Variants in ANKRD55 observed in about 807,000 individuals in gnomAD.
ANKRD55 encodes ankyrin repeat domain 55.
Under a neutral mutation model 60.6 loss-of-function variants are expected in ANKRD55, and 41 were observed. That is an observed-to-expected ratio of 0.68 (90% CI 0.53 to 0.88). The LOEUF (loss-of-function observed/expected upper bound fraction) is 0.88. ANKRD55 is among the 40% of genes least tolerant of loss of function. The probability of loss-of-function intolerance (pLI) is 0.00; values close to 1 mark genes in which losing one functional copy is unlikely to be tolerated. For missense variants in ANKRD55, 732 were observed against 767.6 expected (o/e 0.95, Z 0.55); for synonymous variants, 264 against 290.3 (o/e 0.91, Z 0.92).
chr5:56,184,041 G>A (rs1348682248), intron 2 of ANKRD55, among the ~76,000 whole-genome samples: 2 of 152,162 alleles, frequency 1.3e-5, no homozygotes, highest in South Asian at 2.1e-4. Context: ...GAGACATTGT[G>A]CTCTCCATTC....
intron 2 of ANKRD55, among the ~76,000 whole-genome samples, chr5:56,213,971 A>G (rs1268691557): frequency 6.6e-6 from 1 of 152,246 alleles, no homozygotes; most frequent in Non-Finnish European, 1.5e-5. Flanking sequence ...ACTCATCCAC[A>G]TGGCTAGGGA....
rs984658410 is a variant in ANKRD55, at chr5:56,150,516, G to A, written c.484-6587C>T. ...CTACTTGGGAGGCTGAGGTGGGAGA[G>A]TCACTTGAGCCTGGGAGGCAGAGGT... is the stretch of plus-strand genomic sequence containing the variant. On this transcript the variant is annotated intron_variant, in intron 6 of 11. Coordinates refer to ENST00000341048, the MANE Select transcript of ANKRD55 (RefSeq NM_024669.3). Among the ~76,000 whole-genome samples the A allele has an allele frequency of 3.4e-4, 52 of 151,794 alleles. 1 individual carries two copies. Among genetic ancestry groups the A allele is most frequent in the African/African-American group, 1.3e-3 (52 of 41,266 alleles).
At position 56,152,542 on chromosome 5, in the gene ANKRD55, A is replaced by G. The variant is rs935911898; in HGVS notation, c.483+7291T>C. 3.9e-5 allele frequency among the ~76,000 whole-genome samples: 6 copies of G among 152,336 alleles called. No homozygotes were observed. The South Asian group carries it at 1.2e-3, about 32-fold the overall frequency. Reference sequence around the variant, plus strand: ...CTCTTGATAGAACACTCTTCCTGTCAAGGCTAAAATGAGAGCAGGAGAGGT... The same window carrying G: ...CTCTTGATAGAACACTCTTCCTGTCGAGGCTAAAATGAGAGCAGGAGAGGT... On this transcript the variant is annotated intron_variant, in intron 6 of 11. Transcript: ENST00000341048.
intron 8 of ANKRD55, among the ~76,000 whole-genome samples, chr5:56,120,768 A>G (rs1033302874): frequency 2.0e-5 from 3 of 152,080 alleles, no homozygotes; most frequent in East Asian, 3.9e-4. Context: ...GCGTAGTGGC[A>G]CATGCCTGTA....
In ANKRD55 at chr5:56,215,528, C is replaced by G. The variant is rs541813028; in HGVS notation, c.58+17328G>C. Among the ~76,000 whole-genome samples the G allele has an allele frequency of 4.7e-4, 71 of 152,332 alleles. No homozygotes were observed. In the South Asian group the frequency reaches 5.6e-3, roughly 12 times the overall value. ...AGCAAATCACAGAGGGAGTCGGGCA[C>G]TCTGCTGAGGACTCTAGCCACCATC... On this transcript the variant is annotated intron_variant, in intron 2 of 11. Transcript: ENST00000341048.
At chr5:56,113,432 G>A (rs1756795689) in intron 9 of ANKRD55, among the ~76,000 whole-genome samples, 1 of 152,108 alleles carries the variant, frequency 6.6e-6, no homozygotes, top group Non-Finnish European at 1.5e-5. Flanking sequence ...ATTAACTTGA[G>A]TACACTTGTT....
chr5:56,127,395 ATG>A (rs1757299447), intron 7 of ANKRD55: 1 of 552,636 alleles, frequency 1.8e-6, no homozygotes, highest in African/African-American at 2.4e-5. Flanking sequence ...TACAGGTGCA[ATG>A]GACTGACGTC....
chr5:56,148,150 A>C (rs1387863820), intron 6 of ANKRD55, among the ~76,000 whole-genome samples: 6 of 152,254 alleles, frequency 3.9e-5, no homozygotes, highest in Non-Finnish European at 8.8e-5. Flanking sequence ...AGCTTATCAA[A>C]GATCACTTGG....
chr5:56,161,144 ATT>A (rs75300974), intron 5 of ANKRD55, among the ~76,000 whole-genome samples: 2 of 145,918 alleles, frequency 1.4e-5, no homozygotes, highest in African/African-American at 2.5e-5. Flanking sequence ...GCCTGGAGAG[ATT>A]TTTTTTTTTT....
chr5:56,217,663 G>A (rs1394711191), intron 2 of ANKRD55, among the ~76,000 whole-genome samples: 2 of 152,178 alleles, frequency 1.3e-5, no homozygotes, highest in Non-Finnish European at 2.9e-5. Flanking sequence ...GGGAGGCCAA[G>A]GCGGGTGTAT....
intron 2 of ANKRD55, among the ~76,000 whole-genome samples, chr5:56,214,417 A>T (rs569899263): frequency 8.5e-5 from 13 of 152,372 alleles, no homozygotes; most frequent in South Asian, 8.3e-4. Flanking sequence ...GCATTACTTC[A>T]TTAAATCTTT....
At position 56,199,029 on chromosome 5, in the gene ANKRD55, G is replaced by A. The variant is rs188061405; in HGVS notation, c.59-15395C>T. Among the ~76,000 whole-genome samples, 27 of 152,158 alleles carry A rather than the reference G, an allele frequency of 1.8e-4. No individual in the cohort carries two copies. In the East Asian group the frequency reaches 4.4e-3, roughly 25 times the overall value. ...CGGGTGGCAGAGCTTGCAGTGAGCC[G>A]AGATCGCGCCACTGCACTCCAGCCT... is the stretch of plus-strand genomic sequence containing the variant. On this transcript the variant is annotated intron_variant, in intron 2 of 11. Transcript: ENST00000341048.
intron 7 of ANKRD55, among the ~76,000 whole-genome samples, chr5:56,131,927 C>CTTTTAT (rs1469043427): frequency 7.0e-6 from 1 of 143,804 alleles, no homozygotes; most frequent in Non-Finnish European, 1.5e-5. Context: ...AAAATAAAAA[C>CTTTTAT]TTTTATTTTT....
intron 2 of ANKRD55, among the ~76,000 whole-genome samples, chr5:56,223,141 C>T (rs160006): frequency 0.33 from 50,261 of 151,758 alleles, 9,235 homozygotes; most frequent in East Asian, 0.84. Flanking sequence ...CCCATCAAAC[C>T]AATAGATGAT....
intron 7 of ANKRD55, 105 bp from the exon 8 acceptor site, chr5:56,127,211 G>T (rs547060149): frequency 7.7e-7 from 1 of 1,306,242 alleles, no homozygotes; most frequent in Non-Finnish European, 9.8e-7. Context: ...AAGAAAGAAA[G>T]AAAGAAAAAA....
At chr5:56,130,798 C>T (rs963107791) in intron 7 of ANKRD55, among the ~76,000 whole-genome samples, 1 of 151,988 alleles carries the variant, frequency 6.6e-6, no homozygotes, top group Non-Finnish European at 1.5e-5. Context: ...TAAGAGAGAA[C>T]AAATAATAAA....
At chr5:56,232,697 T>C (rs1581038054) in intron 2 of ANKRD55, among the ~76,000 whole-genome samples, 159 bp downstream of exon 2, 1 of 152,094 alleles carries the variant, frequency 6.6e-6, no homozygotes, top group Non-Finnish European at 1.5e-5. Context: ...GGTGAAATCC[T>C]CTTTCCACAT....
At chr5:56,140,988 G>A (rs559623881) in intron 7 of ANKRD55, among the ~76,000 whole-genome samples, 5 of 152,122 alleles carry the variant, frequency 3.3e-5, no homozygotes, top group African/African-American at 7.2e-5. Context: ...GCTTGAACCC[G>A]GGAGGCAGAT....
At chr5:56,113,159 G>A (rs1452404789) in intron 9 of ANKRD55, among the ~76,000 whole-genome samples, 1 of 152,160 alleles carries the variant, frequency 6.6e-6, no homozygotes, top group Non-Finnish European at 1.5e-5. Flanking sequence ...TCAAAATGGG[G>A]TCCACTGAAC....
Sources: allele counts gnomAD v4.1 joint callset (sites outside exome capture counted in the v4.1 genomes callset), GRCh38; gene constraint gnomAD v4.1.1; transcripts MANE v1.5; gene names NCBI Gene and HGNC (gene_info 2026-07-23, HGNC 2026-07-21).